Variants in RIMS1 observed in about 807,000 individuals in gnomAD.
The protein encoded by RIMS1 is regulating synaptic membrane exocytosis 1.
RIMS1 carries 83 observed loss-of-function variants against 214.1 expected under a neutral mutation model. The observed-to-expected ratio is 0.39, with a 90% CI of 0.32 to 0.47. The LOEUF is 0.47. Among genes scored for constraint, RIMS1 ranks in the 20% least tolerant of loss-of-function variants. The pLI, the probability that RIMS1 is intolerant of heterozygous loss-of-function variation, is 0.99. For synonymous variants in RIMS1, 793 were observed against 786.8 expected (o/e 1.01, Z -0.13); for missense variants, 2,050 against 2,161.8 (o/e 0.95, Z 1.03).
At chr6:72,091,828 A>C (rs973888041) in intron 2 of RIMS1, among the ~76,000 whole-genome samples, 2 of 152,222 alleles carry the variant, frequency 1.3e-5, no homozygotes, top group African/African-American at 4.8e-5. Flanking sequence ...ATTTGTGATC[A>C]TATATTTTGT....
At chr6:72,232,473 G>A (rs1040422574) in intron 6 of RIMS1, among the ~76,000 whole-genome samples, 1 of 151,566 alleles carries the variant, frequency 6.6e-6, no homozygotes, top group African/African-American at 2.4e-5. Context: ...GGCCCAGTAG[G>A]AGTATAGAGA....
At chr6:72,390,408 G>T (rs903181727) in intron 29 of RIMS1, among the ~76,000 whole-genome samples, 190 bp from the exon 30 acceptor site, 1 of 152,126 alleles carries the variant, frequency 6.6e-6, no homozygotes, top group African/African-American at 2.4e-5. Flanking sequence ...AGCATCCAGT[G>T]GTACTCCCCT....
chr6:72,187,339 A>T (rs2049284934), intron 6 of RIMS1, among the ~76,000 whole-genome samples: 1 of 152,196 alleles, frequency 6.6e-6, no homozygotes, highest in South Asian at 2.1e-4. Context: ...GCTTGTAAAA[A>T]GTCAAATGGC....
At chr6:72,006,413 G>T (rs1463189226) in intron 2 of RIMS1, among the ~76,000 whole-genome samples, 4 of 152,206 alleles carry the variant, frequency 2.6e-5, no homozygotes, top group African/African-American at 9.6e-5. Flanking sequence ...CAACGCAGAA[G>T]ATGAAGGATT....
At chr6:71,905,056 G>A (rs937536363) in intron 1 of RIMS1, among the ~76,000 whole-genome samples, 21 of 151,904 alleles carry the variant, frequency 1.4e-4, no homozygotes, top group African/African-American at 4.8e-4. Flanking sequence ...TAAGTTATAG[G>A]GCAACTATGG....
At chr6:72,065,336 C>T (rs143241992) in intron 2 of RIMS1, among the ~76,000 whole-genome samples, 11 of 152,238 alleles carry the variant, frequency 7.2e-5, no homozygotes, top group African/African-American at 2.6e-4. Flanking sequence ...AACATCCCAT[C>T]GATATCTGCT....
At chr6:72,113,679 T>C (rs1443048254) in intron 4 of RIMS1, among the ~76,000 whole-genome samples, 1 of 152,108 alleles carries the variant, frequency 6.6e-6, no homozygotes, top group Non-Finnish European at 1.5e-5. Flanking sequence ...TTTTCTTTCT[T>C]ATAAACCCCA....
At chr6:71,888,314 G>A (rs1487510611) in intron 1 of RIMS1, among the ~76,000 whole-genome samples, 1 of 152,204 alleles carries the variant, frequency 6.6e-6, no homozygotes, top group Admixed American at 6.5e-5. Context: ...CCCTGACTGT[G>A]ACTGACTCCT....
At chr6:72,083,533 C>G (rs1452765299) in intron 2 of RIMS1, among the ~76,000 whole-genome samples, 2 of 152,190 alleles carry the variant, frequency 1.3e-5, no homozygotes, top group Admixed American at 1.3e-4. Context: ...GATAGATCAT[C>G]CAAGCCACTC....
intron 2 of RIMS1, among the ~76,000 whole-genome samples, chr6:72,020,701 A>G (rs1048697498): frequency 2.6e-5 from 4 of 152,204 alleles, no homozygotes; most frequent in African/African-American, 9.6e-5. Flanking sequence ...GAACAATAAT[A>G]TATGGCAAAG....
At chr6:72,049,436 A>T (rs1036389484) in intron 2 of RIMS1, among the ~76,000 whole-genome samples, 4 of 152,194 alleles carry the variant, frequency 2.6e-5, no homozygotes, top group African/African-American at 9.7e-5. Flanking sequence ...TTTATTTCAG[A>T]TATTGTCAAA....
intron 1 of RIMS1, among the ~76,000 whole-genome samples, chr6:71,968,287 C>T (rs892701914): frequency 2.0e-5 from 3 of 152,314 alleles, no homozygotes; most frequent in African/African-American, 7.2e-5. Flanking sequence ...AGTATCTCCT[C>T]CTGCTGCCCT....
At chr6:72,140,096 C>T (rs2041895930) in intron 4 of RIMS1, among the ~76,000 whole-genome samples, 1 of 152,114 alleles carries the variant, frequency 6.6e-6, no homozygotes, top group South Asian at 2.1e-4. Flanking sequence ...GACGTCTGAG[C>T]TCTGACTAAG....
rs776155814 is a variant in RIMS1, at chr6:72,259,061, T to C, written c.3003T>C (p.Val1001=). The C allele has an allele frequency of 3.0e-5, 48 of 1,612,580 alleles. No individual in the cohort carries two copies. Among genetic ancestry groups the C allele is most frequent in the Non-Finnish European group, 4.0e-5 (47 of 1,178,930 alleles). Residue 1001 remains valine (V), a synonymous_variant, in exon 18 of 34, where the codon GTT becomes GTC. Coordinates refer to ENST00000521978, the MANE Select transcript of RIMS1 (RefSeq NM_014989.7). Reference sequence around the variant, plus strand: ...ACCATGATGCCTCCCGAAGTCCAGTTGATCATAGAACCAGAGATGTGGATA... The same window carrying C: ...ACCATGATGCCTCCCGAAGTCCAGTCGATCATAGAACCAGAGATGTGGATA... ...TRHHDASRSP[V]DHRTRDVDSQ... is the part of the protein sequence containing the mutation.
At chr6:72,160,047 G>T (rs1257593646) in intron 4 of RIMS1, among the ~76,000 whole-genome samples, 1 of 128,190 alleles carries the variant, frequency 7.8e-6, no homozygotes, top group Non-Finnish European at 1.8e-5. Context: ...CCATTTGTTT[G>T]TATCCTCTTT....
intron 3 of RIMS1, among the ~76,000 whole-genome samples, chr6:72,097,558 C>T (rs1029127660): frequency 4.6e-5 from 7 of 152,062 alleles, no homozygotes; most frequent in Admixed American, 6.5e-5. Flanking sequence ...ATTGAATGCA[C>T]GTAAAATGCA....
intron 2 of RIMS1, among the ~76,000 whole-genome samples, chr6:71,983,352 G>A (rs1798974884): frequency 6.6e-6 from 1 of 151,648 alleles, no homozygotes; most frequent in African/African-American, 2.4e-5. Flanking sequence ...CTCACACTTG[G>A]TCTCTCTTTC....
intron 2 of RIMS1, among the ~76,000 whole-genome samples, chr6:72,079,984 GC>G (rs1336285365): frequency 7.0e-6 from 1 of 142,488 alleles, no homozygotes; most frequent in East Asian, 2.1e-4. Context: ...TTCCTGTAAT[GC>G]CAACACTTTG....
intron 5 of RIMS1, among the ~76,000 whole-genome samples, chr6:72,180,385 C>G (rs1357860171): frequency 1.3e-5 from 2 of 152,126 alleles, no homozygotes; most frequent in Non-Finnish European, 2.9e-5. Context: ...GATGGGTGCT[C>G]CAGGTATCTG....
Sources: gnomAD v4.1 joint callset for allele counts (sites outside exome capture counted in the v4.1 genomes callset) on GRCh38, gnomAD v4.1.1 for gene constraint, MANE v1.5 for transcripts, NCBI Gene and HGNC (gene_info 2026-07-23, HGNC 2026-07-21) for gene names.